EYS: variants seen among roughly 807,000 people sequenced by gnomAD.
EYS encodes protein eyes shut homolog.
Under a neutral mutation model 282.1 loss-of-function variants are expected in EYS, and 250 were observed. That is an observed-to-expected ratio of 0.89 (90% CI 0.80 to 0.98). The LOEUF (loss-of-function observed/expected upper bound fraction) is 0.98. Ranked by LOEUF, EYS falls within the 50% of genes least tolerant of loss-of-function variation. The probability of loss-of-function intolerance (pLI) is 0.00; values close to 1 mark genes in which losing one functional copy is unlikely to be tolerated. For synonymous variants in EYS, 1,355 were observed against 1,282.9 expected, an observed-to-expected ratio of 1.06 and a Z score of -1.20; for missense variants, 4,016 against 3,709.0, an observed-to-expected ratio of 1.08 and a Z score of -2.15.
intron 32 of EYS, 57 bp from the exon 33 acceptor site, chr6:64,066,548 A>G: frequency 8.3e-7 from 1 of 1,204,478 alleles, no homozygotes; most frequent in East Asian, 2.6e-5. Flanking sequence ...TTATTGGTTA[A>G]CAATAATTAA....
chr6:65,268,222 T>C (rs1767809049), intron 12 of EYS, among the ~76,000 whole-genome samples: 1 of 152,038 alleles, frequency 6.6e-6, no homozygotes, highest in South Asian at 2.1e-4. Flanking sequence ...AGATTACAAA[T>C]CTATCATTAA....
At chr6:64,509,888 T>C (rs1007800365) in intron 26 of EYS, among the ~76,000 whole-genome samples, 15 of 152,180 alleles carry the variant, frequency 9.9e-5, no homozygotes, top group African/African-American at 2.9e-4. Flanking sequence ...TTCATGAAGA[T>C]GGTTGTATGT....
intron 1 of EYS, among the ~76,000 whole-genome samples, chr6:65,689,370 G>A (rs1159454627): frequency 1.3e-5 from 2 of 149,176 alleles, no homozygotes; most frequent in Admixed American, 1.4e-4. Flanking sequence ...ACTGGGGCCT[G>A]TTGTGGAGTG....
intron 29 of EYS, among the ~76,000 whole-genome samples, chr6:64,343,711 C>A (rs1384335432): frequency 6.6e-6 from 1 of 151,982 alleles, no homozygotes; most frequent in Non-Finnish European, 1.5e-5. Context: ...TAAGATCGAG[C>A]AGAACTGAAG....
intron 2 of EYS, among the ~76,000 whole-genome samples, chr6:65,503,202 T>C (rs1384871059): frequency 6.6e-6 from 1 of 151,714 alleles, no homozygotes; most frequent in Non-Finnish European, 1.5e-5. Context: ...GTTGCTTGCT[T>C]AAATTTCTAA....
At chr6:65,513,253 C>A (rs1320436772) in intron 2 of EYS, among the ~76,000 whole-genome samples, 1 of 152,128 alleles carries the variant, frequency 6.6e-6, no homozygotes, top group Non-Finnish European at 1.5e-5. Context: ...GAAGTTGAAT[C>A]TCTGAATAGA....
In EYS at chr6:64,201,221, AT is replaced by A. The variant is rs553486038; in HGVS notation, c.6424+29370del. ...GAAGGATAGGCTGTTGTTTTACATCATTTTTTTTGTTTCCTTGCTTCCTTTT... is the reference window on the plus strand; with the variant it reads ...GAAGGATAGGCTGTTGTTTTACATCATTTTTTTGTTTCCTTGCTTCCTTTT... On this transcript the variant is annotated intron_variant, in intron 31 of 42. Coordinates refer to ENST00000503581, the MANE Select transcript of EYS (RefSeq NM_001142800.2). 6.6e-5 allele frequency among the ~76,000 whole-genome samples: 10 copies of A among 151,940 alleles called. 1 individual carries two copies. The highest frequency in any genetic ancestry group is 1.2e-4 in the African/African-American group (5 of 41,492).
At chr6:65,666,536 CGG>C (rs1482053178) in intron 1 of EYS, among the ~76,000 whole-genome samples, 1 of 151,640 alleles carries the variant, frequency 6.6e-6, no homozygotes, top group African/African-American at 2.4e-5. Context: ...TTATACCTGT[CGG>C]GTAGTAAATA....
intron 2 of EYS, among the ~76,000 whole-genome samples, chr6:65,570,076 C>A (rs1370995181): frequency 6.6e-6 from 1 of 151,622 alleles, no homozygotes; most frequent in African/African-American, 2.4e-5. Flanking sequence ...AACCTCAATG[C>A]CTGGCAGGTT....
chr6:65,411,005 C>T lies in EYS; in HGVS notation c.863-5638G>A, dbSNP rs959061305. On this transcript the variant is annotated intron_variant, in intron 5 of 42. Coordinates refer to ENST00000503581, the MANE Select transcript of EYS (RefSeq NM_001142800.2). The stretch of plus-strand genomic sequence containing the variant: ...TTTCTAGATGTTAAGCAATTTGCCA[C>T]ATGTCACACATCTGGTTAATTAATG... Among the ~76,000 whole-genome samples, 8 of 152,072 alleles carry T rather than the reference C, an allele frequency of 5.3e-5. No individual in the cohort carries two copies. In the East Asian group the frequency reaches 1.5e-3, roughly 29 times the overall value.
chr6:64,552,875 C>T (rs1161713539), intron 26 of EYS, among the ~76,000 whole-genome samples: 8 of 151,852 alleles, frequency 5.3e-5, no homozygotes, highest in East Asian at 3.9e-4. Context: ...GCAGAGATCA[C>T]GCCATTGCAC....
At chr6:64,619,086 G>A (rs1041762480) in intron 23 of EYS, among the ~76,000 whole-genome samples, 4 of 152,152 alleles carry the variant, frequency 2.6e-5, no homozygotes, top group Admixed American at 1.3e-4. Flanking sequence ...TTACTTCAGG[G>A]AGTGGGATGT....
intron 8 of EYS, among the ~76,000 whole-genome samples, chr6:65,372,457 T>C (rs1765195170): frequency 6.6e-6 from 1 of 152,118 alleles, no homozygotes; most frequent in Non-Finnish European, 1.5e-5. Flanking sequence ...AATTGCATAG[T>C]ACCTGTATTT....
intron 1 of EYS, among the ~76,000 whole-genome samples, chr6:65,689,927 G>C (rs976362490): frequency 6.7e-6 from 1 of 149,658 alleles, no homozygotes; most frequent in South Asian, 2.2e-4. Context: ...GGTCCAGGGG[G>C]GTCACCGCAT....
chr6:64,537,887 G>A (rs973750259), intron 26 of EYS, among the ~76,000 whole-genome samples: 3 of 152,154 alleles, frequency 2.0e-5, no homozygotes, highest in Non-Finnish European at 4.4e-5. Flanking sequence ...AACTATGAAT[G>A]AGAACATATT....
At position 64,260,285 on chromosome 6, in the gene EYS, T is replaced by G. The variant is rs546773201; in HGVS notation, c.6192-29461A>C. Among the ~76,000 whole-genome samples the G allele has an allele frequency of 5.9e-5, 9 of 152,228 alleles. No homozygotes were observed. In the South Asian group the frequency reaches 1.9e-3, roughly 32 times the overall value. ...ACTGACCACCATGAGGCTGCCATAC[T>G]AGTCAGGACTGCTTATATTTACGGG... On this transcript the variant is annotated intron_variant, in intron 30 of 42. Coordinates refer to ENST00000503581, the MANE Select transcript of EYS (RefSeq NM_001142800.2).
At chr6:64,382,504 T>A (rs1376964805) in intron 29 of EYS, among the ~76,000 whole-genome samples, 1 of 152,216 alleles carries the variant, frequency 6.6e-6, no homozygotes, top group Admixed American at 6.5e-5. Flanking sequence ...GAGGCTGATG[T>A]TTGACTCTCC....
At chr6:65,061,916 G>A (rs1314218248) in intron 12 of EYS, among the ~76,000 whole-genome samples, 3 of 151,798 alleles carry the variant, frequency 2.0e-5, no homozygotes, top group African/African-American at 7.3e-5. Flanking sequence ...TGGGTTTTCT[G>A]TTTCTTCTTA....
intron 6 of EYS, 40 bp downstream of exon 6, chr6:65,405,134 A>C (rs985009301): frequency 2.2e-5 from 33 of 1,493,018 alleles, no homozygotes; most frequent in Non-Finnish European, 3.1e-5. Flanking sequence ...TAGTAAAAAA[A>C]ATTTAAAACC....
Sources: gnomAD v4.1 joint callset for allele counts (sites outside exome capture counted in the v4.1 genomes callset) on GRCh38, gnomAD v4.1.1 for gene constraint, MANE v1.5 for transcripts, NCBI Gene and HGNC (gene_info 2026-07-23, HGNC 2026-07-21) for gene names.